EXOC4: variants seen among roughly 807,000 people sequenced by gnomAD.
The protein encoded by EXOC4 is exocyst complex component 4.
EXOC4 carries 71 observed loss-of-function variants against 107.2 expected under a neutral mutation model. That is an observed-to-expected ratio of 0.66 (90% CI 0.55 to 0.81). The LOEUF is 0.81. Ranked by LOEUF, EXOC4 falls within the 30% of genes least tolerant of loss-of-function variation. EXOC4 has a pLI of 0.00. For missense variants in EXOC4, 1,108 were observed against 1,189.6 expected (o/e 0.93, Z 1.01); for synonymous variants, 456 against 441.2 (o/e 1.03, Z -0.42).
chr7:133,842,248 G>T (rs1798038197), intron 11 of EXOC4, among the ~76,000 whole-genome samples: 2 of 152,212 alleles, frequency 1.3e-5, no homozygotes, highest in African/African-American at 2.4e-5. Context: ...CATAATGGAA[G>T]AACTATTTTA....
chr7:133,539,456 A>G (rs1251927962), intron 9 of EXOC4, among the ~76,000 whole-genome samples: 1 of 151,964 alleles, frequency 6.6e-6, no homozygotes, highest in Non-Finnish European at 1.5e-5. Context: ...CAAATTATTA[A>G]CTCTGAAATG....
At chr7:134,091,881 A>T in the EXOC4 span, among the ~76,000 whole-genome samples, 1 of 152,176 alleles carries the variant, frequency 6.6e-6, no homozygotes, top group East Asian at 1.9e-4. Flanking sequence ...AAAGACTTTA[A>T]CTAAAATCCC....
intron 6 of EXOC4, among the ~76,000 whole-genome samples, chr7:133,360,831 C>A (rs185108519): frequency 4.5e-4 from 68 of 152,112 alleles, no homozygotes; most frequent in Admixed American, 7.9e-4. Context: ...ATAAAAATGC[C>A]TGTGGGGGTA....
At chr7:133,953,236 T>G (rs1220179645) in intron 14 of EXOC4, among the ~76,000 whole-genome samples, 1 of 151,974 alleles carries the variant, frequency 6.6e-6, no homozygotes, top group Non-Finnish European at 1.5e-5. Flanking sequence ...TCACTTGAGG[T>G]CAAGAGTTTG....
At chr7:133,994,306 A>G (rs1465359993) in intron 14 of EXOC4, among the ~76,000 whole-genome samples, 1 of 152,136 alleles carries the variant, frequency 6.6e-6, no homozygotes, top group Non-Finnish European at 1.5e-5. Flanking sequence ...ATTCTTTTTT[A>G]TGGCTGCATA....
the EXOC4 span, among the ~76,000 whole-genome samples, chr7:134,073,967 T>G: frequency 6.6e-6 from 1 of 152,028 alleles, no homozygotes; most frequent in African/African-American, 2.4e-5. Flanking sequence ...ACAGGCAGAG[T>G]CTTTTCTAGT....
chr7:134,024,198 C>T (rs1379690155), intron 17 of EXOC4, among the ~76,000 whole-genome samples: 1 of 152,190 alleles, frequency 6.6e-6, no homozygotes, highest in Non-Finnish European at 1.5e-5. Context: ...TGCCTGTAAT[C>T]CCAGCACTTT....
Position 133,851,243 on chromosome 7 carries a change from A to G in EXOC4, c.1734+33699A>G, listed in dbSNP as rs192932168. On this transcript the variant is annotated intron_variant, in intron 11 of 17. Transcript: ENST00000253861. ...TTGTAGTGGAAAAATCAAGTAAACC[A>G]GGAAACACATAAATAAGCAAGATGG... Among the ~76,000 whole-genome samples, 580 of 152,350 alleles carry G rather than the reference A, an allele frequency of 3.8e-3. 3 individuals are homozygous for G. Among genetic ancestry groups the G allele is most frequent in the Non-Finnish European group, 5.0e-3 (337 of 68,040 alleles).
At chr7:134,051,974 C>T (rs1266623898) in intron 17 of EXOC4, among the ~76,000 whole-genome samples, 10 of 146,382 alleles carry the variant, frequency 6.8e-5, no homozygotes, top group Admixed American at 2.1e-4. Context: ...CAATAGAGCA[C>T]GACTCCATCT....
At chr7:133,969,165 G>A (rs192881543) in intron 14 of EXOC4, among the ~76,000 whole-genome samples, 4 of 152,232 alleles carry the variant, frequency 2.6e-5, no homozygotes, top group Admixed American at 1.3e-4. Context: ...TCACGAAGCT[G>A]TCATGCTGTG....
At chr7:133,905,708 CCT>C (rs1428862505) in intron 12 of EXOC4, among the ~76,000 whole-genome samples, 1 of 152,052 alleles carries the variant, frequency 6.6e-6, no homozygotes, top group Non-Finnish European at 1.5e-5. Flanking sequence ...ACAAATAAAA[CCT>C]CTTCCCTAGT....
chr7:133,676,053 G>C (rs540790751), intron 10 of EXOC4, among the ~76,000 whole-genome samples: 1 of 152,028 alleles, frequency 6.6e-6, no homozygotes, highest in Non-Finnish European at 1.5e-5. Flanking sequence ...GAGACAGTCA[G>C]ATCTGTTAGT....
intron 9 of EXOC4, among the ~76,000 whole-genome samples, chr7:133,625,956 C>T (rs577418007): frequency 4.6e-5 from 7 of 152,278 alleles, no homozygotes; most frequent in South Asian, 2.1e-4. Context: ...GCTGTAATCC[C>T]AGCACTTTGT....
intron 9 of EXOC4, among the ~76,000 whole-genome samples, chr7:133,614,789 CAAAAAAAAAAA>C (rs35947572): frequency 8.1e-5 from 5 of 61,680 alleles, no homozygotes; most frequent in East Asian, 5.8e-4. Context: ...GTACATATGG[CAAAAAAAAAAA>C]AAAAAAAAAA....
intron 1 of EXOC4, among the ~76,000 whole-genome samples, chr7:133,267,575 G>T (rs763424969): frequency 3.9e-5 from 6 of 152,066 alleles, no homozygotes; most frequent in Non-Finnish European, 7.4e-5. Context: ...TGGCTTTTGC[G>T]TAGCTGTTAC....
At chr7:133,806,068 A>G (rs723689) in intron 10 of EXOC4, among the ~76,000 whole-genome samples, 18,261 of 152,246 alleles carry the variant, frequency 0.12, 1,194 homozygotes, top group Middle Eastern at 0.15. Context: ...CCTGGGGCAT[A>G]ATTCTTTCAC....
chr7:134,015,783 G>T (rs1794892651), intron 17 of EXOC4, among the ~76,000 whole-genome samples: 1 of 151,852 alleles, frequency 6.6e-6, no homozygotes, highest in Admixed American at 6.6e-5. Flanking sequence ...GCTGAGGCAG[G>T]GGAATCACTT....
intron 9 of EXOC4, among the ~76,000 whole-genome samples, chr7:133,591,933 A>C (rs929614268): frequency 6.6e-6 from 1 of 152,298 alleles, no homozygotes; most frequent in South Asian, 2.1e-4. Context: ...CTGCTGAGCT[A>C]AACAGTTTTT....
chr7:133,406,010 A>G (rs936606155), intron 7 of EXOC4, among the ~76,000 whole-genome samples: 4 of 152,226 alleles, frequency 2.6e-5, no homozygotes, highest in African/African-American at 2.4e-5. Flanking sequence ...GATCTGAAAG[A>G]TAAACTATGT....
Sources: gnomAD v4.1 joint callset for allele counts (sites outside exome capture counted in the v4.1 genomes callset) on GRCh38, gnomAD v4.1.1 for gene constraint, MANE v1.5 for transcripts, NCBI Gene and HGNC (gene_info 2026-07-23, HGNC 2026-07-21) for gene names.